The following RAB14 variants were observed in gnomAD, a reference collection of about 807,000 sequenced individuals.
RAB14 encodes ras-related protein Rab-14.
RAB14 carries 3 observed loss-of-function variants against 31.1 expected under a neutral mutation model. The ratio of observed to expected loss-of-function variants is 0.10; its 90% CI spans 0.04 to 0.25. The LOEUF (loss-of-function observed/expected upper bound fraction) is 0.25. RAB14 is among the 10% of genes least tolerant of loss of function. The pLI is 1.00. For missense variants in RAB14, 111 were observed against 260.1 expected, an observed-to-expected ratio of 0.43 and a Z score of 3.94; for synonymous variants, 85 against 84.9, an observed-to-expected ratio of 1.00 and a Z score of 0.00.
Position 121,178,529 on chromosome 9 carries a change from T to C in RAB14, c.*2867A>G, listed in dbSNP as rs2053611254. 1 of 152,630 alleles carries C rather than the reference T, an allele frequency of 6.6e-6. No individual in the cohort carries two copies. The highest frequency in any genetic ancestry group is 6.5e-5 in the Admixed American group (1 of 15,278). The allele number at this position is 152,630 out of a possible 1,614,324, so 9.5% of individuals were successfully genotyped here. The stretch of plus-strand genomic sequence containing the variant: ...GGAATGAACTGAACCACTCATTTTT[T>C]TAAAATCACACTTAAAAGACACATG... On this transcript the variant is annotated 3_prime_UTR_variant, in exon 8 of 8. Coordinates refer to ENST00000373840, the MANE Select transcript of RAB14 (RefSeq NM_016322.4).
chr9:121,181,592 CTT>C lies in RAB14; in HGVS notation c.471-21_471-20del. On this transcript the variant is annotated intron_variant, in intron 7 of 7. Transcript: ENST00000373840. ...CTCTCCCCTAAGAGGCAATTGATAA[CTT>C]TATTGGAGAACCACAGTTTTCTACA... 6.3e-7 allele frequency: 1 copy of C among 1,582,134 alleles called. No individual in the cohort carries two copies. Among genetic ancestry groups the C allele is most frequent in the Non-Finnish European group, 8.7e-7 (1 of 1,155,098 alleles).
chr9:121,197,329 C>T (rs1010059742), intron 1 of RAB14, among the ~76,000 whole-genome samples: 3 of 152,108 alleles, frequency 2.0e-5, no homozygotes, highest in Non-Finnish European at 4.4e-5. Context: ...CCAGTTTTCA[C>T]CACTGGGGAA....
In RAB14 at chr9:121,181,637, C is replaced by T. The variant is rs2053633567; in HGVS notation, c.471-64G>A. On this transcript the variant is annotated intron_variant, in intron 7 of 7. Coordinates refer to ENST00000373840, the MANE Select transcript of RAB14 (RefSeq NM_016322.4). ...TTTCTACAAAAGACAAGACACTGAC[C>T]TTTTGCTAATCTTTAGTTAACTGCC... The T allele has an allele frequency of 9.6e-6, 13 of 1,355,444 alleles. No individual in the cohort carries two copies. The Admixed American group carries it at 1.8e-4, about 18-fold the overall frequency. The allele number at this position is 1,355,444 out of a possible 1,614,324, so 84.0% of individuals were successfully genotyped here.
chr9:121,192,116 T>C (rs549961253), intron 3 of RAB14, 55 bp downstream of exon 3: 6 of 1,329,398 alleles, frequency 4.5e-6, no homozygotes, highest in Admixed American at 2.1e-5. Context: ...TTCTAAAAAG[T>C]AGAAACATGG....
intron 4 of RAB14, among the ~76,000 whole-genome samples, chr9:121,188,125 CA>C (rs1455001955): frequency 6.6e-6 from 1 of 151,792 alleles, no homozygotes; most frequent in Non-Finnish European, 1.5e-5. Flanking sequence ...ACTTAGATGT[CA>C]AAAAAGTCAT....
Position 121,178,412 on chromosome 9 carries a change from T to A in RAB14, c.*2984A>T, listed in dbSNP as rs910542107. 1.3e-5 allele frequency: 2 copies of A among 152,708 alleles called. No homozygotes were observed. The highest frequency in any genetic ancestry group is 2.1e-4 in the South Asian group (1 of 4,826). The allele number at this position is 152,708 out of a possible 1,614,324, so 9.5% of individuals were successfully genotyped here. ...GGGCCTGTGTTGAATGAGGATAAATTATCTTTTCTCTAAAATGCCACATGA... is the reference window on the plus strand; with the variant it reads ...GGGCCTGTGTTGAATGAGGATAAATAATCTTTTCTCTAAAATGCCACATGA... On this transcript the variant is annotated 3_prime_UTR_variant, in exon 8 of 8. Coordinates refer to ENST00000373840, the MANE Select transcript of RAB14 (RefSeq NM_016322.4).
At chr9:121,187,570 C>T (rs559028831) in intron 4 of RAB14, among the ~76,000 whole-genome samples, 1 of 152,148 alleles carries the variant, frequency 6.6e-6, no homozygotes, top group East Asian at 1.9e-4. Flanking sequence ...ACTTTGAAGA[C>T]ATTTGACAAG....
rs1564316776 is a variant in RAB14, at chr9:121,178,434, A to G, written c.*2962T>C. ...AATTATCTTTTCTCTAAAATGCCAC[A>G]TGAACCCTCTCTATATTCCCACATG... is the stretch of plus-strand genomic sequence containing the variant. On this transcript the variant is annotated 3_prime_UTR_variant, in exon 8 of 8. Coordinates refer to ENST00000373840, the MANE Select transcript of RAB14 (RefSeq NM_016322.4). The G allele has an allele frequency of 6.5e-6, 1 of 152,682 alleles. No homozygotes were observed. Among genetic ancestry groups the G allele is most frequent in the Non-Finnish European group, 1.5e-5 (1 of 68,044 alleles). The allele number at this position is 152,682 out of a possible 1,614,324, so 9.5% of individuals were successfully genotyped here.
rs1285906239 is a variant in RAB14 at position 121,178,319 on chromosome 9, T to G, written c.*3077A>C. 6.6e-6 allele frequency: 1 copy of G among 152,338 alleles called. No homozygotes were observed. Among genetic ancestry groups the G allele is most frequent in the Non-Finnish European group, 1.5e-5 (1 of 68,036 alleles). The allele number at this position is 152,338 out of a possible 1,614,324, so 9.4% of individuals were successfully genotyped here. ...TTGTATTTACATTTTTTGTTTCAAG[T>G]CTTAGCAAAATGCTAAAAGGCCTGG... On this transcript the variant is annotated 3_prime_UTR_variant, in exon 8 of 8. Coordinates refer to ENST00000373840, the MANE Select transcript of RAB14 (RefSeq NM_016322.4).
chr9:121,182,853 A>C, intron 7 of RAB14, 77 bp downstream of exon 7: 5 of 1,280,126 alleles, frequency 3.9e-6, no homozygotes, highest in Non-Finnish European at 5.5e-6. Flanking sequence ...TATATACATT[A>C]TATACTTTTC....
At chr9:121,201,056 A>AGACCCC (rs1467980803) in intron 1 of RAB14, among the ~76,000 whole-genome samples, 1 of 152,156 alleles carries the variant, frequency 6.6e-6, no homozygotes, top group Non-Finnish European at 1.5e-5. Context: ...GCACAGACCC[A>AGACCCC]GACCCCGGCC....
chr9:121,180,957 A>C lies in RAB14; in HGVS notation c.*439T>G, dbSNP rs1370180607. The C allele has an allele frequency of 1.3e-5, 2 of 153,416 alleles. No homozygotes were observed. Among genetic ancestry groups the C allele is most frequent in the Admixed American group, 1.3e-4 (2 of 15,304 alleles). 9.5% of individuals were successfully genotyped at this position (153,416 alleles called of 1,614,324 possible). ...GAACCCCTTCTCTACCATCAGAAGT[A>C]ATTTCACAGCAATAAACTTATTGGT... On this transcript the variant is annotated 3_prime_UTR_variant, in exon 8 of 8. Transcript: ENST00000373840.
At chr9:121,191,878 A>G (rs1359085) in intron 3 of RAB14, among the ~76,000 whole-genome samples, 58,195 of 151,946 alleles carry the variant, frequency 0.38, 12,592 homozygotes, top group South Asian at 0.64. Context: ...CAATTCCTGT[A>G]ACAGAAAGTC....
rs1322137660 is a variant in RAB14, at chr9:121,178,417, T to TTTCTC, written c.*2974_*2978dup. 1 of 152,624 alleles carries TTTCTC rather than the reference T, an allele frequency of 6.6e-6. No homozygotes were observed. The highest frequency in any genetic ancestry group is 1.5e-5 in the Non-Finnish European group (1 of 68,034). The allele number at this position is 152,624 out of a possible 1,614,324, so 9.5% of individuals were successfully genotyped here. On this transcript the variant is annotated 3_prime_UTR_variant, in exon 8 of 8. Transcript: ENST00000373840. ...TGTGTTGAATGAGGATAAATTATCT[T>TTTCTC]TTCTCTAAAATGCCACATGAACCCT...
intron 1 of RAB14, among the ~76,000 whole-genome samples, chr9:121,199,268 G>C (rs2053736520): frequency 6.6e-6 from 1 of 152,194 alleles, no homozygotes; most frequent in Non-Finnish European, 1.5e-5. Flanking sequence ...ACTGATCACT[G>C]TTGACACTGG....
intron 4 of RAB14, among the ~76,000 whole-genome samples, chr9:121,188,757 C>T (rs1057008013): frequency 6.6e-6 from 1 of 151,938 alleles, no homozygotes; most frequent in South Asian, 2.1e-4. Context: ...ATCACTTTAG[C>T]GCCTGACTAA....
chr9:121,198,745 A>T lies in RAB14; in HGVS notation c.-8+2894T>A, dbSNP rs747380556. The stretch of plus-strand genomic sequence containing the variant: ...AGCAAGACAGCAATGATCAAAAAAG[A>T]CAACACTGTCTCTGCCTTCGTGGAA... On this transcript the variant is annotated intron_variant, in intron 1 of 7. Coordinates refer to ENST00000373840, the MANE Select transcript of RAB14 (RefSeq NM_016322.4). Among the ~76,000 whole-genome samples, 114 of 152,356 alleles carry T rather than the reference A, an allele frequency of 7.5e-4. 1 individual carries two copies. The highest frequency in any genetic ancestry group is 2.1e-4 in the Non-Finnish European group (14 of 68,030).
At position 121,179,301 on chromosome 9, in the gene RAB14, T is replaced by C. The variant is rs1322936207; in HGVS notation, c.*2095A>G. 1.3e-5 allele frequency: 2 copies of C among 152,650 alleles called. No homozygotes were observed. The highest frequency in any genetic ancestry group is 1.9e-4 in the East Asian group (1 of 5,206). 9.5% of individuals were successfully genotyped at this position (152,650 alleles called of 1,614,324 possible). On this transcript the variant is annotated 3_prime_UTR_variant, in exon 8 of 8. Coordinates refer to ENST00000373840, the MANE Select transcript of RAB14 (RefSeq NM_016322.4). ...AATAATGCAACCAATTTTAATTTAA[T>C]CTAGATACAGGTACTTTATTTACAA...
intron 1 of RAB14, among the ~76,000 whole-genome samples, chr9:121,198,547 C>G (rs2053731463): frequency 6.6e-6 from 1 of 152,158 alleles, no homozygotes; most frequent in Admixed American, 6.5e-5. Flanking sequence ...ATTAAATATT[C>G]CAGGTAATTT....
Sources: gnomAD v4.1 joint callset for allele counts (sites outside exome capture counted in the v4.1 genomes callset) on GRCh38, gnomAD v4.1.1 for gene constraint, MANE v1.5 for transcripts, NCBI Gene and HGNC (gene_info 2026-07-23, HGNC 2026-07-21) for gene names.